Variants in SIPA1L1 observed in about 807,000 individuals in gnomAD.
SIPA1L1 encodes the protein signal-induced proliferation-associated 1-like protein 1.
A neutral mutation model predicts 162.7 loss-of-function variants in SIPA1L1; 26 were observed. The observed-to-expected ratio is 0.16, with a 90% CI of 0.12 to 0.22. SIPA1L1 has a LOEUF of 0.22. SIPA1L1 is among the 10% of genes least tolerant of loss of function. SIPA1L1 has a pLI of 1.00. For synonymous variants in SIPA1L1, 829 were observed against 837.4 expected (o/e 0.99, Z 0.17); for missense variants, 1,874 against 2,241.0 (o/e 0.84, Z 3.31).
intron 10 of SIPA1L1, among the ~76,000 whole-genome samples, 153 bp downstream of exon 10, chr14:71,661,620 G>C (rs2043521370): frequency 6.6e-6 from 1 of 152,166 alleles, no homozygotes; most frequent in Non-Finnish European, 1.5e-5. Flanking sequence ...GAATTCACAT[G>C]ATGATGTAAT....
chr14:71,545,929 C>T (rs374372334), intron 4 of SIPA1L1, among the ~76,000 whole-genome samples: 2 of 151,900 alleles, frequency 1.3e-5, no homozygotes, highest in African/African-American at 4.8e-5. Flanking sequence ...AGTGAGAACC[C>T]ATCTCTACAA....
At chr14:71,427,822 T>A (rs988502463) in intron 2 of SIPA1L1, among the ~76,000 whole-genome samples, 5 of 152,192 alleles carry the variant, frequency 3.3e-5, no homozygotes, top group African/African-American at 9.6e-5. Flanking sequence ...TTTCTCTACA[T>A]CTTCCTTTAG....
chr14:71,322,756 A>G (rs2033231480), intron 2 of SIPA1L1, among the ~76,000 whole-genome samples: 1 of 152,198 alleles, frequency 6.6e-6, no homozygotes, highest in Non-Finnish European at 1.5e-5. Context: ...GCTTAAGTAA[A>G]GGACTCTTGA....
chr14:71,506,318 T>C (rs2050663345), intron 2 of SIPA1L1, among the ~76,000 whole-genome samples: 1 of 152,130 alleles, frequency 6.6e-6, no homozygotes, highest in Non-Finnish European at 1.5e-5. Flanking sequence ...GGAGTGCCAT[T>C]AATTACTTGT....
intron 4 of SIPA1L1, among the ~76,000 whole-genome samples, chr14:71,571,676 C>G (rs1230519209): frequency 2.0e-5 from 3 of 151,994 alleles, no homozygotes; most frequent in Non-Finnish European, 2.9e-5. Flanking sequence ...GAGTCTTGCT[C>G]TGTCACCCAG....
chr14:71,588,346 C>T lies in SIPA1L1; in HGVS notation c.474C>T (p.Ala158=), dbSNP rs1371598490. ...NMDSRFLMPE[A]YPSSPRKALR... is the part of the protein sequence containing the mutation. ...ACTCCAGATTTCTCATGCCTGAAGC[C>T]TACCCCAGCTCCCCCAGAAAAGCTC... The change falls in exon 5 of 24, where the codon GCC becomes GCT. Residue 158 remains alanine, a synonymous_variant. Coordinates refer to ENST00000381232, the MANE Select transcript of SIPA1L1 (RefSeq NM_001386936.1). The surrounding 1 kb of genome is among the most constrained non-coding windows in gnomAD (Gnocchi z 4.3). 9.3e-6 allele frequency: 15 copies of T among 1,613,778 alleles called. No individual in the cohort carries two copies. The East Asian group carries it at 3.3e-4, about 36-fold the overall frequency.
chr14:71,644,610 T>C (rs2042001783), intron 7 of SIPA1L1, among the ~76,000 whole-genome samples: 1 of 152,264 alleles, frequency 6.6e-6, no homozygotes, highest in Non-Finnish European at 1.5e-5. Flanking sequence ...GGTTCTCTTA[T>C]GGAGATTTTA....
At chr14:71,460,823 C>T (rs2046547071) in intron 2 of SIPA1L1, among the ~76,000 whole-genome samples, 1 of 152,156 alleles carries the variant, frequency 6.6e-6, no homozygotes, top group African/African-American at 2.4e-5. Flanking sequence ...TGATTCAGAG[C>T]ATACATGGCC....
At chr14:71,660,627 G>A (rs1457894166) in intron 9 of SIPA1L1, among the ~76,000 whole-genome samples, 1 of 152,034 alleles carries the variant, frequency 6.6e-6, no homozygotes, top group Non-Finnish European at 1.5e-5. Flanking sequence ...CACAAATTTT[G>A]TTTGGTTTTC....
chr14:71,388,565 T>C (rs2040514592), intron 2 of SIPA1L1, among the ~76,000 whole-genome samples: 1 of 152,190 alleles, frequency 6.6e-6, no homozygotes, highest in Non-Finnish European at 1.5e-5. Context: ...TAGAGGCACT[T>C]TGTTGGCCCA....
chr14:71,328,923 A>T, intron 2 of SIPA1L1, among the ~76,000 whole-genome samples: 1 of 152,184 alleles, frequency 6.6e-6, no homozygotes, highest in Non-Finnish European at 1.5e-5. Context: ...AGCATTAAAC[A>T]TTGGCCCCCA....
At chr14:71,487,324 T>C (rs2048852470) in intron 2 of SIPA1L1, among the ~76,000 whole-genome samples, 1 of 152,166 alleles carries the variant, frequency 6.6e-6, no homozygotes, top group Non-Finnish European at 1.5e-5. Flanking sequence ...TACCGCATCA[T>C]AGAGAGGAAG....
chr14:71,335,716 A>C (rs1327700960), intron 2 of SIPA1L1, among the ~76,000 whole-genome samples: 1 of 152,320 alleles, frequency 6.6e-6, no homozygotes, highest in East Asian at 1.9e-4. Context: ...CTCTCTCTAC[A>C]TGAGGGTTTT....
intron 2 of SIPA1L1, among the ~76,000 whole-genome samples, chr14:71,427,463 A>G (rs890420284): frequency 6.6e-6 from 1 of 152,126 alleles, no homozygotes; most frequent in African/African-American, 2.4e-5. Context: ...TCAAGATTCT[A>G]TCTTTGTCTT....
intron 4 of SIPA1L1, among the ~76,000 whole-genome samples, chr14:71,546,414 C>A (rs2055207599): frequency 8.3e-6 from 1 of 120,804 alleles, no homozygotes; most frequent in Non-Finnish European, 1.6e-5. Flanking sequence ...CTCGCACTGT[C>A]CCCCAGGCTG....
intron 7 of SIPA1L1, among the ~76,000 whole-genome samples, chr14:71,646,033 G>A (rs1461084058): frequency 6.6e-6 from 1 of 152,274 alleles, no homozygotes; most frequent in Non-Finnish European, 1.5e-5. Context: ...GGAAGATGAG[G>A]TAAAATGCAA....
chr14:71,460,201 G>A (rs79398334), intron 2 of SIPA1L1, among the ~76,000 whole-genome samples: 5,876 of 152,264 alleles, frequency 0.039, 199 homozygotes, highest in African/African-American at 0.075. Context: ...CCACGTGGTC[G>A]TAGCTGGTAT....
At chr14:71,400,100 C>T (rs952053247) in intron 2 of SIPA1L1, among the ~76,000 whole-genome samples, 4 of 152,126 alleles carry the variant, frequency 2.6e-5, no homozygotes, top group Non-Finnish European at 5.9e-5. Context: ...GCTGGGATTA[C>T]AGGCATCAGC....
chr14:71,381,285 C>T (rs572659874), intron 2 of SIPA1L1, among the ~76,000 whole-genome samples: 1 of 152,236 alleles, frequency 6.6e-6, no homozygotes, highest in South Asian at 2.1e-4. Context: ...ATCTCCTGAC[C>T]TCGTGATCCG....
Sources: allele counts gnomAD v4.1 joint callset (sites outside exome capture counted in the v4.1 genomes callset), GRCh38; gene constraint gnomAD v4.1.1; non-coding constraint Gnocchi (gnomAD v3.1); transcripts MANE v1.5; gene names NCBI Gene and HGNC (gene_info 2026-07-23, HGNC 2026-07-21).